C3orf33: variants seen among roughly 807,000 people sequenced by gnomAD.
C3orf33 encodes AP-1 activity suppressor.
In C3orf33, 23 loss-of-function variants were observed where a neutral mutation model predicts 28.7. The ratio of observed to expected loss-of-function variants is 0.80; its 90% CI spans 0.58 to 1.13. C3orf33 has a LOEUF of 1.13. C3orf33 is among the 50% of genes most tolerant of loss of function. The probability of loss-of-function intolerance (pLI) is 0.00; values close to 1 mark genes in which losing one functional copy is unlikely to be tolerated. For synonymous variants in C3orf33, 119 were observed against 120.5 expected, an observed-to-expected ratio of 0.99 and a Z score of 0.08; for missense variants, 327 against 353.4, an observed-to-expected ratio of 0.93 and a Z score of 0.60.
At chr3:155,792,271 G>A (rs1157480995) in intron 2 of C3orf33, among the ~76,000 whole-genome samples, 1 of 152,148 alleles carries the variant, frequency 6.6e-6, no homozygotes, top group Non-Finnish European at 1.5e-5. Flanking sequence ...GGCTTGGGAT[G>A]CCCCCTAATA....
intron 4 of C3orf33, among the ~76,000 whole-genome samples, chr3:155,765,497 G>A (rs182337722): frequency 6.6e-6 from 1 of 152,170 alleles, no homozygotes; most frequent in African/African-American, 2.4e-5. Context: ...AAGGCCTTTA[G>A]GATGTTTTAT....
Position 155,801,309 on chromosome 3 carries a change from CA to C in C3orf33, c.174+1222del, listed in dbSNP as rs59221219. On this transcript the variant is annotated intron_variant, in intron 2 of 4. Coordinates refer to ENST00000340171, the MANE Select transcript of C3orf33 (RefSeq NM_001308229.2). ...CTGGGCGACAGAGTGAGACTCTGTC[CA>C]AAAAAAAAAAAAAAAAAAATTAAAA... 7.9e-3 allele frequency among the ~76,000 whole-genome samples: 969 copies of C among 122,822 alleles called. 6 individuals are homozygous for C. The highest frequency in any genetic ancestry group is 0.028 in the African/African-American group (907 of 32,038). 80.6% of individuals were successfully genotyped at this position (122,822 alleles called of 152,430 possible).
chr3:155,776,813 C>G (rs1193935166), intron 2 of C3orf33, among the ~76,000 whole-genome samples: 1 of 136,648 alleles, frequency 7.3e-6, no homozygotes, highest in African/African-American at 2.7e-5. Flanking sequence ...CTTCCTATGA[C>G]AGTAAGGTTG....
chr3:155,790,163 CAAAAAA>C (rs35285462), intron 2 of C3orf33, among the ~76,000 whole-genome samples: 2 of 38,692 alleles, frequency 5.2e-5, no homozygotes, highest in African/African-American at 1.1e-4. Flanking sequence ...AACTCTGTCT[CAAAAAA>C]AAAAAAAAAA....
At position 155,763,478 on chromosome 3, in the gene C3orf33, A is replaced by G; in HGVS notation, c.*39T>C. 2.9e-6 allele frequency: 4 copies of G among 1,401,702 alleles called. No individual in the cohort carries two copies. The highest frequency in any genetic ancestry group is 3.7e-6 in the Non-Finnish European group (4 of 1,072,846). 86.8% of individuals were successfully genotyped at this position (1,401,702 alleles called of 1,614,324 possible). Reference sequence around the variant, plus strand: ...AAACGTCCATATATTTACATATTTCACTCTTTGGAGAAGGTTACCTCTAGA... The same window carrying G: ...AAACGTCCATATATTTACATATTTCGCTCTTTGGAGAAGGTTACCTCTAGA... On this transcript the variant is annotated 3_prime_UTR_variant, in exon 5 of 5. Coordinates refer to ENST00000340171, the MANE Select transcript of C3orf33 (RefSeq NM_001308229.2).
intron 2 of C3orf33, among the ~76,000 whole-genome samples, chr3:155,780,256 C>T (rs764140868): frequency 6.6e-6 from 1 of 152,040 alleles, no homozygotes; most frequent in South Asian, 2.1e-4. Context: ...AAGCTTCAGA[C>T]GGTGAAGAAG....
At chr3:155,784,370 T>C (rs1751035416) in intron 2 of C3orf33, among the ~76,000 whole-genome samples, 1 of 152,072 alleles carries the variant, frequency 6.6e-6, no homozygotes, top group African/African-American at 2.4e-5. Flanking sequence ...TAAATTAGAG[T>C]GTTATAACTT....
chr3:155,788,056 T>C (rs1328580395), intron 2 of C3orf33, among the ~76,000 whole-genome samples: 2 of 151,744 alleles, frequency 1.3e-5, no homozygotes, highest in Non-Finnish European at 2.9e-5. Flanking sequence ...CCGGGCGTGG[T>C]GGCGGGCGCC....
chr3:155,802,480 G>T (rs1751677299), intron 2 of C3orf33, 52 bp downstream of exon 2: 1 of 1,379,712 alleles, frequency 7.2e-7, no homozygotes, highest in Non-Finnish European at 1.0e-6. Flanking sequence ...GTCTGAAATG[G>T]AAATAAACTA....
chr3:155,804,243 G>C, intron 1 of C3orf33: 1 of 363,502 alleles, frequency 2.8e-6, no homozygotes. Flanking sequence ...TTCTGTGATT[G>C]GATTATTTGT....
At chr3:155,805,557 AAC>A in intron 1 of C3orf33, 1 of 443,344 alleles carries the variant, frequency 2.3e-6, no homozygotes, top group Non-Finnish European at 4.4e-6. Flanking sequence ...CCCAGTCTCT[AAC>A]TCTAAAAGAA....
chr3:155,777,476 TGTGGCCCAGGCTGCAGCTCA>T (rs1167117938), intron 2 of C3orf33, among the ~76,000 whole-genome samples: 9 of 152,096 alleles, frequency 5.9e-5, no homozygotes, highest in Non-Finnish European at 1.5e-5. Flanking sequence ...GGTCTCGCTC[TGTGGCCCAGGCTGCAGCTCA>T]GTGGCATAAT....
chr3:155,794,054 G>C (rs374900996), intron 2 of C3orf33, among the ~76,000 whole-genome samples: 2 of 151,800 alleles, frequency 1.3e-5, no homozygotes, highest in East Asian at 3.9e-4. Flanking sequence ...TGCAACCTCA[G>C]CTCACTGCAG....
At chr3:155,798,165 G>C (rs751959840) in intron 2 of C3orf33, among the ~76,000 whole-genome samples, 6 of 151,974 alleles carry the variant, frequency 3.9e-5, no homozygotes, top group Non-Finnish European at 7.4e-5. Flanking sequence ...GGGTGGATTG[G>C]AAGAATCAAT....
chr3:155,793,476 A>T (rs1309887996), intron 2 of C3orf33, among the ~76,000 whole-genome samples: 1 of 151,994 alleles, frequency 6.6e-6, no homozygotes. Flanking sequence ...AAAACATGGG[A>T]TATTATAACA....
chr3:155,789,542 C>T (rs990247484), intron 2 of C3orf33, among the ~76,000 whole-genome samples: 2 of 151,590 alleles, frequency 1.3e-5, no homozygotes, highest in African/African-American at 4.8e-5. Context: ...CAATATTACA[C>T]AAAGTTATCT....
At position 155,771,641 on chromosome 3, in the gene C3orf33, CCTG is replaced by C. The variant is rs1750596432; in HGVS notation, c.323-3975_323-3973del. ...CAAATTCTTGGGCTCAAGGGATCCT[CCTG>C]CTACAGCCTCTCAAAGTGTTGGAAA... On this transcript the variant is annotated intron_variant, in intron 3 of 4. Transcript: ENST00000340171. Among the ~76,000 whole-genome samples, 5 of 152,302 alleles carry C rather than the reference CCTG, an allele frequency of 3.3e-5. No individual in the cohort carries two copies. The South Asian group carries it at 8.3e-4, about 25-fold the overall frequency.
chr3:155,802,966 T>A (rs1261030556), intron 1 of C3orf33, among the ~76,000 whole-genome samples: 2 of 152,292 alleles, frequency 1.3e-5, no homozygotes, highest in Non-Finnish European at 2.9e-5. Context: ...ATTATTTAAC[T>A]ATCAGTTCCA....
intron 4 of C3orf33, among the ~76,000 whole-genome samples, chr3:155,764,600 C>G (rs1750339198): frequency 6.6e-6 from 1 of 151,412 alleles, no homozygotes; most frequent in African/African-American, 2.4e-5. Context: ...TGCCTGTAAT[C>G]CTAACACTTT....
Sources: gnomAD v4.1 joint callset for allele counts (sites outside exome capture counted in the v4.1 genomes callset) on GRCh38, gnomAD v4.1.1 for gene constraint, MANE v1.5 for transcripts, NCBI Gene and HGNC (gene_info 2026-07-23, HGNC 2026-07-21) for gene names.